PRKAR1A: variants seen among roughly 807,000 people sequenced by gnomAD.
PRKAR1A encodes protein kinase cAMP-dependent type I regulatory subunit alpha, also known as cAMP-dependent protein kinase type I-alpha regulatory subunit.
A neutral mutation model predicts 52.0 loss-of-function variants in PRKAR1A; 3 were observed. The observed-to-expected ratio is 0.06, with a 90% CI of 0.03 to 0.15. The LOEUF (loss-of-function observed/expected upper bound fraction) is 0.15. Ranked by LOEUF, PRKAR1A falls within the 10% of genes least tolerant of loss-of-function variation. The probability of loss-of-function intolerance (pLI) is 1.00; values close to 1 mark genes in which losing one functional copy is unlikely to be tolerated. For missense variants in PRKAR1A, 240 were observed against 477.4 expected (o/e 0.50, Z 4.63); for synonymous variants, 188 against 168.4 (o/e 1.12, Z -0.90).
chr17:68,414,196 A>T, the PRKAR1A span: 3 of 152,314 alleles, frequency 2.0e-5, no homozygotes, highest in African/African-American at 7.2e-5. Flanking sequence ...TGTCCCTTGT[A>T]TGCCGATTTT....
At chr17:68,517,236 A>G (rs553141185) in intron 2 of PRKAR1A, among the ~76,000 whole-genome samples, 17 of 152,290 alleles carry the variant, frequency 1.1e-4, no homozygotes, top group African/African-American at 3.6e-4. Context: ...CATTCCTTCC[A>G]GGGTTGAATA....
chr17:68,490,879 C>T, the PRKAR1A span, among the ~76,000 whole-genome samples: 1 of 151,944 alleles, frequency 6.6e-6, no homozygotes, highest in Non-Finnish European at 1.5e-5. Flanking sequence ...AGAGTGGGTC[C>T]CATGTTTATC....
At chr17:68,426,039 G>C in the PRKAR1A span, 1 of 1,581,464 alleles carries the variant, frequency 6.3e-7, no homozygotes, top group Non-Finnish European at 8.7e-7. Flanking sequence ...TAAGCACACA[G>C]ACTGAGCCGC....
At position 68,531,769 on chromosome 17, in the gene PRKAR1A, C is replaced by G. The variant is rs1032138431; in HGVS notation, c.*1320C>G. The G allele has an allele frequency of 3.8e-6, 4 of 1,043,528 alleles. No individual in the cohort carries two copies. Among genetic ancestry groups the G allele is most frequent in the Non-Finnish European group, 4.7e-6 (4 of 859,230 alleles). 64.6% of individuals were successfully genotyped at this position (1,043,528 alleles called of 1,614,324 possible). On this transcript the variant is annotated 3_prime_UTR_variant, in exon 11 of 11. Transcript: ENST00000589228. The stretch of plus-strand genomic sequence containing the variant: ...AGTCTTAACTGTATTTCAGTATTTT[C>G]CAGCCTTATGTGTTACATTATTCCA...
chr17:68,457,747 G>T, the PRKAR1A span, among the ~76,000 whole-genome samples: 1 of 152,018 alleles, frequency 6.6e-6, no homozygotes, highest in Admixed American at 6.5e-5. Flanking sequence ...TGGCCAATCC[G>T]TGGCAGCTGT....
chr17:68,465,087 G>T, the PRKAR1A span, among the ~76,000 whole-genome samples: 1 of 77,150 alleles, frequency 1.3e-5, no homozygotes, highest in South Asian at 5.0e-4. Flanking sequence ...CACCACGCCC[G>T]GCTAATTTTT....
chr17:68,447,740 C>T, the PRKAR1A span, among the ~76,000 whole-genome samples: 1 of 152,194 alleles, frequency 6.6e-6, no homozygotes, highest in East Asian at 1.9e-4. Context: ...CACCTGTAAT[C>T]CCTGCACTTT....
the PRKAR1A span, among the ~76,000 whole-genome samples, chr17:68,473,471 C>T: frequency 6.6e-6 from 1 of 152,126 alleles, no homozygotes; most frequent in South Asian, 2.1e-4. Flanking sequence ...AGCTACAGAT[C>T]TATCTGAAAA....
At chr17:68,525,293 A>G (rs1382798272) in intron 6 of PRKAR1A, among the ~76,000 whole-genome samples, 1 of 79,516 alleles carries the variant, frequency 1.3e-5, no homozygotes, top group Non-Finnish European at 2.9e-5. Context: ...CTCATCTCTT[A>G]AAAAAAAAAA....
At chr17:68,486,502 C>CTTTCT in the PRKAR1A span, among the ~76,000 whole-genome samples, 7 of 43,360 alleles carry the variant, frequency 1.6e-4, no homozygotes, top group African/African-American at 5.2e-4. Flanking sequence ...TCCTTCCTTC[C>CTTTCT]TTCCTTCTTT....
In PRKAR1A at chr17:68,531,804, A is replaced by G; in HGVS notation, c.*1355A>G. 9.7e-7 allele frequency: 1 copy of G among 1,033,182 alleles called. No homozygotes were observed. The highest frequency in any genetic ancestry group is 1.2e-6 in the Non-Finnish European group (1 of 849,658). 64.0% of individuals were successfully genotyped at this position (1,033,182 alleles called of 1,614,324 possible). On this transcript the variant is annotated 3_prime_UTR_variant, in exon 11 of 11. Transcript: ENST00000589228. Reference sequence around the variant, plus strand: ...GTGTTACATTATTCCAATGATACCCAACAGTTTATTTTTATTATTTTTTTA... The same window carrying G: ...GTGTTACATTATTCCAATGATACCCGACAGTTTATTTTTATTATTTTTTTA...
the PRKAR1A span, chr17:68,450,734 G>A: frequency 6.2e-7 from 1 of 1,609,602 alleles, no homozygotes; most frequent in Non-Finnish European, 8.5e-7. Context: ...TTACTTGCCG[G>A]TTCAGCCTTA....
chr17:68,545,905 C>T (rs1290588470), intron 11 of PRKAR1A, among the ~76,000 whole-genome samples: 1 of 152,190 alleles, frequency 6.6e-6, no homozygotes, highest in Non-Finnish European at 1.5e-5. Context: ...TGCGGTGGCT[C>T]ATGCCTGTAA....
intron 11 of PRKAR1A, among the ~76,000 whole-genome samples, chr17:68,546,874 C>T (rs2086597962): frequency 6.7e-6 from 1 of 149,894 alleles, no homozygotes; most frequent in Admixed American, 6.6e-5. Flanking sequence ...GTTAGAATGA[C>T]TCCTTGATCT....
At chr17:68,442,210 T>A in the PRKAR1A span, among the ~76,000 whole-genome samples, 1 of 152,164 alleles carries the variant, frequency 6.6e-6, no homozygotes, top group Non-Finnish European at 1.5e-5. Context: ...ATGCCTATAA[T>A]TCCAGCACTT....
the PRKAR1A span, chr17:68,435,786 T>C: frequency 7.4e-7 from 1 of 1,356,004 alleles, no homozygotes. Flanking sequence ...CTCCCCTTCC[T>C]CTTTTCTCCT....
intron 7 of PRKAR1A, among the ~76,000 whole-genome samples, chr17:68,526,532 A>G (rs1434658826): frequency 6.6e-6 from 1 of 152,206 alleles, no homozygotes. Flanking sequence ...ACCATTTGAA[A>G]ATGTACAGCC....
intron 7 of PRKAR1A, 70 bp downstream of exon 7, chr17:68,525,982 C>T (rs1600486666): frequency 6.5e-7 from 1 of 1,529,324 alleles, no homozygotes; most frequent in South Asian, 1.2e-5. Context: ...TGAATATTAC[C>T]AAATTAAAAA....
At chr17:68,535,885 A>C (rs1281777917), downstream of PRKAR1A, 3 of 454,080 alleles carry the variant, frequency 6.6e-6, no homozygotes, top group South Asian at 4.7e-5. Context: ...AGTGAAAAGA[A>C]GACTTTGGAA....
Sources: allele counts gnomAD v4.1 joint callset (sites outside exome capture counted in the v4.1 genomes callset), GRCh38; gene constraint gnomAD v4.1.1; transcripts MANE v1.5; gene names NCBI Gene and HGNC (gene_info 2026-07-23, HGNC 2026-07-21).